Variants in RGS6 observed in about 807,000 individuals in gnomAD.
RGS6 encodes regulator of G protein signaling 6, also known as regulator of G-protein signaling 6.
In RGS6, 30 loss-of-function variants were observed where a neutral mutation model predicts 78.5. The observed-to-expected ratio is 0.38, with a 90% CI of 0.29 to 0.52. RGS6 has a LOEUF of 0.52. Among genes scored for constraint, RGS6 ranks in the 20% least tolerant of loss-of-function variants. The pLI, the probability that RGS6 is intolerant of heterozygous loss-of-function variation, is 0.85. For missense variants in RGS6, 495 were observed against 609.7 expected, an observed-to-expected ratio of 0.81 and a Z score of 1.98; for synonymous variants, 206 against 206.0, an observed-to-expected ratio of 1.00 and a Z score of 0.00.
intron 8 of RGS6, among the ~76,000 whole-genome samples, chr14:72,470,647 GT>G (rs1566926218): frequency 1.3e-5 from 2 of 151,924 alleles, no homozygotes; most frequent in African/African-American, 2.4e-5. Context: ...TGAGACCGAG[GT>G]GGGGGTGGAT....
At chr14:71,900,720 G>A in the RGS6 span, among the ~76,000 whole-genome samples, 1 of 152,000 alleles carries the variant, frequency 6.6e-6, no homozygotes, top group Admixed American at 6.6e-5. Context: ...GTGTTAGGCT[G>A]TTTTTTTATT....
At chr14:72,122,736 T>C (rs75329418) in intron 2 of RGS6, among the ~76,000 whole-genome samples, 1 of 145,584 alleles carries the variant, frequency 6.9e-6, no homozygotes, top group Non-Finnish European at 1.5e-5. Flanking sequence ...GGTTCTAAGT[T>C]ATCGTTTTTT....
rs888255254 is a variant in RGS6 at position 71,987,599 on chromosome 14, C to T, written c.84+22724C>T. 3.3e-5 allele frequency among the ~76,000 whole-genome samples: 5 copies of T among 152,072 alleles called. No homozygotes were observed. The East Asian group carries it at 5.8e-4, about 18-fold the overall frequency. ...GGAGTGTAATGGTGTGATCTTGGCT[C>T]ACTCAGCCTTGACCTCTGGGGCTTG... On this transcript the variant is annotated intron_variant, in intron 2 of 17. Transcript: ENST00000553525.
At chr14:72,420,066 C>T (rs1339643799) in intron 3 of RGS6, among the ~76,000 whole-genome samples, 1 of 152,158 alleles carries the variant, frequency 6.6e-6, no homozygotes, top group Non-Finnish European at 1.5e-5. Context: ...CTAAAAGCTT[C>T]AATTTACAGA....
At chr14:71,897,880 C>T in the RGS6 span, among the ~76,000 whole-genome samples, 4 of 152,042 alleles carry the variant, frequency 2.6e-5, no homozygotes, top group East Asian at 1.9e-4. Context: ...GTTCAATGCT[C>T]ACTTAAACAT....
chr14:72,095,114 G>A (rs1031963542), intron 2 of RGS6, among the ~76,000 whole-genome samples: 6 of 151,920 alleles, frequency 3.9e-5, no homozygotes, highest in Admixed American at 2.0e-4. Context: ...ATGTACCTCC[G>A]CATCAGCCAT....
chr14:72,171,926 C>G (rs1409478768), intron 2 of RGS6, among the ~76,000 whole-genome samples: 1 of 152,172 alleles, frequency 6.6e-6, no homozygotes, highest in East Asian at 1.9e-4. Flanking sequence ...TCTTGGGATT[C>G]TAACCTAGGC....
At chr14:71,912,245 C>T in the RGS6 span, among the ~76,000 whole-genome samples, 18 of 152,186 alleles carry the variant, frequency 1.2e-4, no homozygotes, top group South Asian at 4.2e-4. Flanking sequence ...TTAGCAAGGG[C>T]GAAGTATATA....
chr14:72,605,695 C>T, the RGS6 span, among the ~76,000 whole-genome samples: 1 of 152,174 alleles, frequency 6.6e-6, no homozygotes, highest in African/African-American at 2.4e-5. Flanking sequence ...GTCATGATAC[C>T]AATGTCCCTC....
At chr14:72,034,630 T>C (rs891405963) in intron 2 of RGS6, among the ~76,000 whole-genome samples, 1 of 152,190 alleles carries the variant, frequency 6.6e-6, no homozygotes, top group African/African-American at 2.4e-5. Flanking sequence ...GGTTTTCTTG[T>C]AGTATCTTTG....
intron 2 of RGS6, among the ~76,000 whole-genome samples, chr14:71,976,788 G>T (rs2094154551): frequency 6.6e-6 from 1 of 150,862 alleles, no homozygotes; most frequent in South Asian, 2.1e-4. Flanking sequence ...GTAATGGGAT[G>T]GCTGGGTCAA....
intron 3 of RGS6, among the ~76,000 whole-genome samples, chr14:72,353,557 C>T (rs2079556971): frequency 6.6e-6 from 1 of 152,200 alleles, no homozygotes; most frequent in Admixed American, 6.5e-5. Flanking sequence ...TTTCCAGCAA[C>T]TGGCATTTGC....
chr14:72,001,022 C>T (rs1335483946), intron 2 of RGS6, among the ~76,000 whole-genome samples: 11 of 152,188 alleles, frequency 7.2e-5, no homozygotes, highest in African/African-American at 9.7e-5. Context: ...GAGGAACACC[C>T]TTTAGTTTCG....
At chr14:71,873,561 G>A in the RGS6 span, among the ~76,000 whole-genome samples, 3 of 152,166 alleles carry the variant, frequency 2.0e-5, no homozygotes, top group Non-Finnish European at 4.4e-5. Context: ...CAGATGGGTA[G>A]ATTGCAAAAA....
chr14:72,618,448 A>AC, the RGS6 span, among the ~76,000 whole-genome samples: 1 of 152,180 alleles, frequency 6.6e-6, no homozygotes, highest in African/African-American at 2.4e-5. Context: ...GTGGGCTGAG[A>AC]GGCAGAGGCT....
chr14:72,564,809 A>G lies in RGS6; in HGVS notation c.*2342A>G, dbSNP rs2097702324. 6.6e-6 allele frequency: 1 copy of G among 152,346 alleles called. No individual in the cohort carries two copies. The highest frequency in any genetic ancestry group is 6.5e-5 in the Admixed American group (1 of 15,288). 9.4% of individuals were successfully genotyped at this position (152,346 alleles called of 1,614,324 possible). A position where few individuals can be genotyped will look rare whatever the true frequency, so the allele number is the denominator to read the frequency against. On this transcript the variant is annotated 3_prime_UTR_variant, in exon 18 of 18. Transcript: ENST00000553525. ...AGATGGAGCTGGCTGCAGGCTTACA[A>G]GCACCTCTGGGGACATCCAGAGGGG...
chr14:72,020,611 T>G (rs911641929), intron 2 of RGS6, among the ~76,000 whole-genome samples: 5 of 152,214 alleles, frequency 3.3e-5, no homozygotes, highest in African/African-American at 1.2e-4. Context: ...GGTCTTTATC[T>G]TTTTGCAAGT....
intron 2 of RGS6, among the ~76,000 whole-genome samples, chr14:72,163,124 C>T (rs550043541): frequency 3.3e-5 from 5 of 152,094 alleles, no homozygotes; most frequent in Non-Finnish European, 7.4e-5. Context: ...ATGGATGCAC[C>T]ACGGTCTCAC....
At chr14:72,079,759 A>G (rs1175686595) in intron 2 of RGS6, among the ~76,000 whole-genome samples, 1 of 152,044 alleles carries the variant, frequency 6.6e-6, no homozygotes, top group Non-Finnish European at 1.5e-5. Context: ...AACTTTTTTT[A>G]TTCTACATGA....
Sources: allele counts gnomAD v4.1 joint callset (sites outside exome capture counted in the v4.1 genomes callset), GRCh38; gene constraint gnomAD v4.1.1; transcripts MANE v1.5; gene names NCBI Gene and HGNC (gene_info 2026-07-23, HGNC 2026-07-21).